ATP6V1C1: variants seen among roughly 807,000 people sequenced by gnomAD.
ATP6V1C1 encodes ATPase H+ transporting V1 subunit C1, also known as V-type proton ATPase subunit C 1.
ATP6V1C1 carries 45 observed loss-of-function variants against 53.9 expected under a neutral mutation model. That is an observed-to-expected ratio of 0.83 (90% CI 0.66 to 1.07). ATP6V1C1 has a LOEUF of 1.07. ATP6V1C1 is among the 50% of genes least tolerant of loss of function. The pLI, the probability that ATP6V1C1 is intolerant of heterozygous loss-of-function variation, is 0.00. For missense variants in ATP6V1C1, 315 were observed against 440.3 expected, an observed-to-expected ratio of 0.72 and a Z score of 2.55; for synonymous variants, 153 against 155.2, an observed-to-expected ratio of 0.99 and a Z score of 0.11.
At chr8:103,052,089 G>T (rs73699560) in intron 5 of ATP6V1C1, among the ~76,000 whole-genome samples, 34 of 152,122 alleles carry the variant, frequency 2.2e-4, no homozygotes, top group African/African-American at 7.0e-4. Context: ...TATCCTTAAG[G>T]ATTTGATCAT....
intron 8 of ATP6V1C1, among the ~76,000 whole-genome samples, chr8:103,056,383 C>G (rs1817289299): frequency 1.3e-5 from 2 of 152,174 alleles, no homozygotes; most frequent in Non-Finnish European, 2.9e-5. Flanking sequence ...TGTTCACCAT[C>G]ACTTTGAGCT....
rs757268792 is a variant in ATP6V1C1, at chr8:103,032,005, AAAAAAAC to A, written c.-39-8772_-39-8766del. Among the ~76,000 whole-genome samples the A allele has an allele frequency of 2.3e-3, 196 of 85,070 alleles. No homozygotes were observed. The South Asian group carries it at 0.052, about 23-fold the overall frequency. 55.8% of individuals were successfully genotyped at this position (85,070 alleles called of 152,430 possible). A position where few individuals can be genotyped will look rare whatever the true frequency, so the allele number is the denominator to read the frequency against. On this transcript the variant is annotated intron_variant, in intron 1 of 12. Coordinates refer to ENST00000518738, the MANE Select transcript of ATP6V1C1 (RefSeq NM_001695.5). ...TGCTACAGAAAGCATATATTGTAAA[AAAAAAAC>A]AAAAAACAAAAAACAAAAAAAACCC...
chr8:103,053,957 G>T lies in ATP6V1C1; in HGVS notation c.547G>T (p.Val183Phe), dbSNP rs768637648. 1.2e-6 allele frequency: 2 copies of T among 1,609,594 alleles called. No individual in the cohort carries two copies. The highest frequency in any genetic ancestry group is 2.2e-5 in the East Asian group (1 of 44,672). Reference sequence around the variant, plus strand: ...CTTTGTTCTTGATTCAGAGTATCTCGTCACATTACTGGTAGTAGTTCCCAA... The same window carrying T: ...CTTTGTTCTTGATTCAGAGTATCTCTTCACATTACTGGTAGTAGTTCCCAA... Reference protein sequence around the residue: ...DDFVLDSEYLVTLLVVVPKLN... With the variant: ...DDFVLDSEYLFTLLVVVPKLN... Residue 183 changes from valine (V) to phenylalanine (F), a missense_variant, in exon 7 of 13, where the codon GTC (valine) becomes TTC (phenylalanine). By Grantham distance (50) the Val-to-Phe change is conservative. Transcript: ENST00000518738.
chr8:103,054,838 G>C (rs1236273103), intron 7 of ATP6V1C1, among the ~76,000 whole-genome samples: 1 of 152,064 alleles, frequency 6.6e-6, no homozygotes, highest in Non-Finnish European at 1.5e-5. Flanking sequence ...GAGTATCATT[G>C]TGTGAAGACT....
At chr8:103,049,262 C>T (rs1450664720) in intron 4 of ATP6V1C1, among the ~76,000 whole-genome samples, 1 of 152,186 alleles carries the variant, frequency 6.6e-6, no homozygotes, top group Non-Finnish European at 1.5e-5. Flanking sequence ...TTTATTCACT[C>T]ATTTACAAGT....
chr8:103,028,012 G>A (rs1055827439), intron 1 of ATP6V1C1, among the ~76,000 whole-genome samples: 1 of 152,158 alleles, frequency 6.6e-6, no homozygotes, highest in African/African-American at 2.4e-5. Context: ...ATGAATAAGA[G>A]CTTTAATTGA....
chr8:103,063,068 T>C (rs1817430688), intron 9 of ATP6V1C1, 21 bp downstream of exon 9: 4 of 1,612,978 alleles, frequency 2.5e-6, no homozygotes, highest in Non-Finnish European at 3.4e-6. Context: ...TGTTTTTTTG[T>C]TTATTTACTT....
At chr8:103,051,220 T>C (rs1175978656) in intron 5 of ATP6V1C1, 76 bp downstream of exon 5, 26 of 1,133,382 alleles carry the variant, frequency 2.3e-5, no homozygotes, top group Non-Finnish European at 3.0e-5. Flanking sequence ...CACTATGAAA[T>C]ACTTTTTAGG....
intron 12 of ATP6V1C1, among the ~76,000 whole-genome samples, chr8:103,067,797 C>T (rs1465582401): frequency 6.6e-6 from 1 of 151,952 alleles, no homozygotes; most frequent in Non-Finnish European, 1.5e-5. Context: ...GTTGGCCAGG[C>T]TGGTCTTGAA....
chr8:103,058,273 A>G (rs1438257904), intron 8 of ATP6V1C1, among the ~76,000 whole-genome samples: 1 of 152,248 alleles, frequency 6.6e-6, no homozygotes, highest in Non-Finnish European at 1.5e-5. Flanking sequence ...GAGAGCTTCC[A>G]GCCTTTCCTT....
chr8:103,057,328 C>G (rs900131331), intron 8 of ATP6V1C1, among the ~76,000 whole-genome samples: 5 of 152,188 alleles, frequency 3.3e-5, no homozygotes, highest in African/African-American at 1.2e-4. Flanking sequence ...AGGTCACACT[C>G]CTGTGCAAAT....
chr8:103,055,758 A>G, intron 7 of ATP6V1C1, 110 bp from the exon 8 acceptor site: 1 of 974,386 alleles, frequency 1.0e-6, no homozygotes, highest in South Asian at 1.6e-5. Context: ...GTTGAAGTAT[A>G]CTTACTATAG....
chr8:103,065,580 C>T (rs1817474284), intron 11 of ATP6V1C1, among the ~76,000 whole-genome samples: 1 of 151,610 alleles, frequency 6.6e-6, no homozygotes, highest in Non-Finnish European at 1.5e-5. Flanking sequence ...AAAAACAAAA[C>T]ACAAAACAAA....
Position 103,070,864 on chromosome 8 carries a change from G to A in ATP6V1C1, c.*2117G>A, listed in dbSNP as rs1167622139. On this transcript the variant is annotated 3_prime_UTR_variant, in exon 13 of 13. Transcript: ENST00000518738. ...TGGGCAGAGTGGTCTCCGAGTTCCAGTCCCTCCTCTGTAAAATGGGCATGA... is the reference window on the plus strand; with the variant it reads ...TGGGCAGAGTGGTCTCCGAGTTCCAATCCCTCCTCTGTAAAATGGGCATGA... 6.6e-6 allele frequency: 1 copy of A among 152,284 alleles called. No homozygotes were observed. The highest frequency in any genetic ancestry group is 1.5e-5 in the Non-Finnish European group (1 of 68,094). 9.4% of individuals were successfully genotyped at this position (152,284 alleles called of 1,614,324 possible). A position where few individuals can be genotyped will look rare whatever the true frequency, so the allele number is the denominator to read the frequency against.
intron 1 of ATP6V1C1, among the ~76,000 whole-genome samples, chr8:103,035,208 T>C (rs1430057180): frequency 1.3e-5 from 2 of 152,190 alleles, no homozygotes; most frequent in Non-Finnish European, 2.9e-5. Flanking sequence ...CTACCAATTT[T>C]TAATTTTTAC....
chr8:103,044,585 CTA>C (rs1046084133), intron 3 of ATP6V1C1, among the ~76,000 whole-genome samples: 2 of 151,616 alleles, frequency 1.3e-5, no homozygotes, highest in Non-Finnish European at 2.9e-5. Flanking sequence ...TTTCACTGAT[CTA>C]TGTTTCTCTC....
At chr8:103,034,773 GT>G (rs1816863053) in intron 1 of ATP6V1C1, among the ~76,000 whole-genome samples, 1 of 151,870 alleles carries the variant, frequency 6.6e-6, no homozygotes, top group South Asian at 2.1e-4. Context: ...GTTTTGTCAT[GT>G]TGGGCAGGCA....
intron 4 of ATP6V1C1, among the ~76,000 whole-genome samples, chr8:103,050,016 A>C (rs1817173202): frequency 6.6e-6 from 1 of 152,056 alleles, no homozygotes; most frequent in Non-Finnish European, 1.5e-5. Context: ...TCTCTACAGG[A>C]TCACCTACTC....
In ATP6V1C1 at chr8:103,048,851, GAT is replaced by G. The variant is rs774933565; in HGVS notation, c.201-16_201-15del. ...GATCTTTTTCCTGAGAATGGTTGTT[GAT>G]ATTTTTTCTTCCCCAGAGTGGTTAA... is the stretch of plus-strand genomic sequence containing the variant. On this transcript the variant is annotated splice_polypyrimidine_tract_variant and intron_variant, in intron 3 of 12. Coordinates refer to ENST00000518738, the MANE Select transcript of ATP6V1C1 (RefSeq NM_001695.5). The G allele has an allele frequency of 8.6e-5, 137 of 1,598,472 alleles. 3 individuals are homozygous for G. In the South Asian group the frequency reaches 1.5e-3, roughly 18 times the overall value.
Sources: allele counts gnomAD v4.1 joint callset (sites outside exome capture counted in the v4.1 genomes callset), GRCh38; gene constraint gnomAD v4.1.1; transcripts MANE v1.5; gene names NCBI Gene and HGNC (gene_info 2026-07-23, HGNC 2026-07-21).